Variants in SGCD observed in about 807,000 individuals in gnomAD.
The protein encoded by SGCD is delta-sarcoglycan.
SGCD carries 18 observed loss-of-function variants against 36.6 expected under a neutral mutation model. The ratio of observed to expected loss-of-function variants is 0.49; its 90% CI spans 0.34 to 0.73. The LOEUF is 0.73. SGCD is among the 30% of genes least tolerant of loss of function. The pLI is 0.01. For synonymous variants in SGCD, 133 were observed against 130.6 expected, an observed-to-expected ratio of 1.02 and a Z score of -0.12; for missense variants, 387 against 346.7, an observed-to-expected ratio of 1.12 and a Z score of -0.92.
At chr5:156,488,751 G>T (rs1755813472) in intron 3 of SGCD, among the ~76,000 whole-genome samples, 1 of 152,018 alleles carries the variant, frequency 6.6e-6, no homozygotes, top group African/African-American at 2.4e-5. Flanking sequence ...AAATCAAAAA[G>T]AGAAAGAAGT....
intron 2 of SGCD, among the ~76,000 whole-genome samples, chr5:156,119,740 C>G (rs1282673590): frequency 6.6e-6 from 1 of 152,112 alleles, no homozygotes; most frequent in African/African-American, 2.4e-5. Context: ...ATGCCCACCT[C>G]TCTTGGGAGT....
rs11954391 is a variant in SGCD at position 156,458,459 on chromosome 5, T to G, written c.193-50142T>G. ...GGTCAAACCCTGATTCCCATCCCCA[T>G]GGCAGCTCATCCCCAACACAGTCAG... On this transcript the variant is annotated intron_variant, in intron 3 of 8. Transcript: ENST00000337851. 6 of 1,608,784 alleles carry G rather than the reference T, an allele frequency of 3.7e-6. No individual in the cohort carries two copies. In the East Asian group the frequency reaches 6.7e-5, roughly 18 times the overall value.
At chr5:156,027,539 C>T (rs1759250392) in intron 1 of SGCD, among the ~76,000 whole-genome samples, 1 of 152,050 alleles carries the variant, frequency 6.6e-6, no homozygotes, top group Non-Finnish European at 1.5e-5. Context: ...TTATTCTAGT[C>T]TTTTTTCCTT....
chr5:156,362,632 G>A (rs1769864157), intron 3 of SGCD, among the ~76,000 whole-genome samples: 1 of 152,122 alleles, frequency 6.6e-6, no homozygotes, highest in African/African-American at 2.4e-5. Flanking sequence ...GTGACAGAGA[G>A]AGACTCCATC....
Position 156,070,496 on chromosome 5 carries a change from T to G in SGCD, c.-281-47382T>G, listed in dbSNP as rs553076038. Among the ~76,000 whole-genome samples the G allele has an allele frequency of 8.6e-3, 1,199 of 139,632 alleles. 33 individuals carry two copies. Among genetic ancestry groups the G allele is most frequent in the African/African-American group, 0.036 (1,082 of 30,070 alleles). The allele number at this position is 139,632 out of a possible 152,430, so 91.6% of individuals were successfully genotyped here. On this transcript the variant is annotated intron_variant, in intron 1 of 9. Coordinates refer to the SGCD transcript ENST00000517913. ...GGGATGAAGCCCACTTGATCATGAC[T>G]GATAAGCTTTTTGATGTGCTGCTGG...
Position 156,470,507 on chromosome 5 carries a change from C to T in SGCD, c.193-38094C>T, listed in dbSNP as rs554138342. On this transcript the variant is annotated intron_variant, in intron 3 of 8. Coordinates refer to ENST00000337851, the MANE Select transcript of SGCD (RefSeq NM_000337.6). Reference sequence around the variant, plus strand: ...ATCCCTCCCCCCTACCCCCACCCCACCACAGTCCCCAGAGTGTGATGTTCC... The same window carrying T: ...ATCCCTCCCCCCTACCCCCACCCCATCACAGTCCCCAGAGTGTGATGTTCC... 2.6e-5 allele frequency among the ~76,000 whole-genome samples: 4 copies of T among 151,244 alleles called. No homozygotes were observed. In the East Asian group the frequency reaches 7.8e-4, roughly 30 times the overall value.
intron 6 of SGCD, among the ~76,000 whole-genome samples, chr5:156,640,238 G>A (rs561210729): frequency 1.7e-4 from 26 of 150,756 alleles, no homozygotes; most frequent in South Asian, 4.2e-4. Flanking sequence ...CTAGATATCC[G>A]TTTATGTACT....
intron 6 of SGCD, among the ~76,000 whole-genome samples, chr5:156,610,062 G>A (rs142253475): frequency 0.011 from 1,736 of 152,236 alleles, 33 homozygotes; most frequent in East Asian, 0.049. Context: ...GTCATTCTCC[G>A]TCTAGCTTTG....
chr5:156,685,114 C>T (rs935285267), intron 7 of SGCD, among the ~76,000 whole-genome samples: 1 of 152,042 alleles, frequency 6.6e-6, no homozygotes, highest in Non-Finnish European at 1.5e-5. Context: ...ACCTTGAAAG[C>T]AGAAGATTAA....
chr5:155,775,756 G>C, the SGCD span, among the ~76,000 whole-genome samples: 3 of 152,120 alleles, frequency 2.0e-5, no homozygotes, highest in African/African-American at 7.2e-5. Flanking sequence ...GAGGTGCCAA[G>C]CCTGGAGGAT....
chr5:156,674,348 G>T (rs1753425506), intron 7 of SGCD, among the ~76,000 whole-genome samples: 1 of 152,182 alleles, frequency 6.6e-6, no homozygotes, highest in Non-Finnish European at 1.5e-5. Flanking sequence ...TTAAGAACAG[G>T]TAAAGGCATA....
chr5:155,936,013 C>A (rs1757188727), intron 1 of SGCD, among the ~76,000 whole-genome samples: 1 of 152,156 alleles, frequency 6.6e-6, no homozygotes, highest in Non-Finnish European at 1.5e-5. Context: ...CTACAAGCAG[C>A]TTCCATGGCT....
chr5:156,373,584 G>A (rs1300500700), intron 3 of SGCD, among the ~76,000 whole-genome samples: 2 of 152,182 alleles, frequency 1.3e-5, no homozygotes, highest in East Asian at 3.8e-4. Context: ...CCTAATTTTA[G>A]AGAATGCCAC....
At chr5:156,378,997 T>C (rs1770828967) in intron 3 of SGCD, among the ~76,000 whole-genome samples, 1 of 152,200 alleles carries the variant, frequency 6.6e-6, no homozygotes, top group African/African-American at 2.4e-5. Context: ...GCTAAATGTT[T>C]GCATCTACTT....
chr5:155,813,247 G>C, the SGCD span, among the ~76,000 whole-genome samples: 314 of 152,144 alleles, frequency 2.1e-3, 2 homozygotes, highest in Non-Finnish European at 3.8e-3. Flanking sequence ...TGTAGGCAAT[G>C]GTAAGTTAGT....
At chr5:156,379,641 T>A (rs896431446) in intron 3 of SGCD, among the ~76,000 whole-genome samples, 6 of 151,954 alleles carry the variant, frequency 3.9e-5, no homozygotes, top group African/African-American at 1.4e-4. Context: ...CTGGCTGCTG[T>A]AATGAGAATA....
chr5:156,503,318 CAGA>C (rs1165294042), intron 3 of SGCD, among the ~76,000 whole-genome samples: 1 of 152,094 alleles, frequency 6.6e-6, no homozygotes, highest in Non-Finnish European at 1.5e-5. Context: ...CCAAAAATAG[CAGA>C]AGATTCCTTC....
intron 3 of SGCD, among the ~76,000 whole-genome samples, chr5:156,265,032 G>C (rs145513806): frequency 4.7e-4 from 71 of 151,928 alleles, no homozygotes; most frequent in African/African-American, 1.7e-3. Context: ...CAACCCAATA[G>C]TGATGATAAC....
intron 3 of SGCD, among the ~76,000 whole-genome samples, chr5:156,229,570 T>G (rs1224471657): frequency 6.6e-6 from 1 of 151,860 alleles, no homozygotes. Context: ...TTACGTTACC[T>G]GGTGCTTTTG....
Sources: gnomAD v4.1 joint callset for allele counts (sites outside exome capture counted in the v4.1 genomes callset) on GRCh38, gnomAD v4.1.1 for gene constraint, MANE v1.5 for transcripts, NCBI Gene and HGNC (gene_info 2026-07-23, HGNC 2026-07-21) for gene names.